The following MTUS2 variants were observed in gnomAD, a reference collection of about 807,000 sequenced individuals.
The protein encoded by MTUS2 is microtubule associated scaffold protein 2.
Under a neutral mutation model 114.1 loss-of-function variants are expected in MTUS2, and 40 were observed. The ratio of observed to expected loss-of-function variants is 0.35; its 90% confidence interval spans 0.27 to 0.46. The LOEUF (loss-of-function observed/expected upper bound fraction) is 0.46. Ranked by LOEUF, MTUS2 falls within the 20% of genes least tolerant of loss-of-function variation. MTUS2 has a pLI of 1.00. For missense variants in MTUS2, 1,679 were observed against 1,705.4 expected (o/e 0.98, Z 0.27); for synonymous variants, 688 against 672.0 (o/e 1.02, Z -0.37).
At chr13:29,316,589 C>T (rs570231272) in intron 6 of MTUS2, among the ~76,000 whole-genome samples, 2 of 152,312 alleles carry the variant, frequency 1.3e-5, no homozygotes, top group South Asian at 2.1e-4. Context: ...CATTGTGCTT[C>T]TATGGGCAGG....
intron 7 of MTUS2, among the ~76,000 whole-genome samples, chr13:29,335,548 A>G (rs1022758936): frequency 2.6e-5 from 4 of 152,108 alleles, no homozygotes; most frequent in Admixed American, 6.5e-5. Context: ...CACTAATAAA[A>G]ACTTGCTGGT....
rs138732293 is a variant in MTUS2 at position 29,241,848 on chromosome 13, T to G, written c.2645-39856T>G. 2.4e-3 allele frequency among the ~76,000 whole-genome samples: 368 copies of G among 152,252 alleles called. 2 individuals carry two copies. Among genetic ancestry groups the G allele is most frequent in the Middle Eastern group, 0.024 (7 of 294 alleles). On this transcript the variant is annotated intron_variant, in intron 5 of 15. Transcript: ENST00000612955. ...GTTCTGGCAGTCTGTCCAATCCACC[T>G]TAGAAAGCCTTGCCCATTTCTGGGT...
At chr13:29,129,629 A>G (rs1225490973) in intron 5 of MTUS2, among the ~76,000 whole-genome samples, 1 of 152,140 alleles carries the variant, frequency 6.6e-6, no homozygotes, top group East Asian at 1.9e-4. Context: ...CATGCATAGA[A>G]TGTGTAATGA....
At chr13:29,116,666 G>A (rs1321888387) in intron 5 of MTUS2, among the ~76,000 whole-genome samples, 1 of 152,146 alleles carries the variant, frequency 6.6e-6, no homozygotes, top group Non-Finnish European at 1.5e-5. Flanking sequence ...CCATTCTTAA[G>A]TAACATAAGG....
At chr13:29,200,964 G>A (rs954835004) in intron 5 of MTUS2, among the ~76,000 whole-genome samples, 1 of 152,148 alleles carries the variant, frequency 6.6e-6, no homozygotes, top group Admixed American at 6.5e-5. Flanking sequence ...GTGATGTGGT[G>A]CAGAGAAGAA....
chr13:29,130,728 T>G (rs1263655922), intron 5 of MTUS2, among the ~76,000 whole-genome samples: 1 of 152,018 alleles, frequency 6.6e-6, no homozygotes, highest in Non-Finnish European at 1.5e-5. Flanking sequence ...TGCGTTCAAG[T>G]GATTCTCCTG....
At chr13:29,294,054 A>G (rs898468357) in intron 6 of MTUS2, among the ~76,000 whole-genome samples, 4 of 152,148 alleles carry the variant, frequency 2.6e-5, no homozygotes, top group African/African-American at 9.6e-5. Context: ...AATTCTTGCT[A>G]TAAAATATAT....
At chr13:29,242,733 G>GAACTTATATCATC in intron 5 of MTUS2, 1 of 152,190 alleles carries the variant, frequency 6.6e-6, no homozygotes, top group African/African-American at 2.4e-5. Flanking sequence ...TATCATCCCT[G>GAACTTATATCATC]CCTTTGAAGA....
intron 5 of MTUS2, among the ~76,000 whole-genome samples, chr13:29,195,820 G>T (rs1894673888): frequency 6.6e-6 from 1 of 152,124 alleles, no homozygotes; most frequent in African/African-American, 2.4e-5. Flanking sequence ...GAGACAAAAA[G>T]AAATTGGTAT....
intron 2 of MTUS2, among the ~76,000 whole-genome samples, chr13:28,935,078 A>C (rs149213201): frequency 3.9e-5 from 5 of 129,272 alleles, no homozygotes; most frequent in African/African-American, 1.5e-4. Flanking sequence ...GATCAGGTGC[A>C]CTTGTGTGTC....
chr13:28,945,807 A>G (rs1441402884), intron 2 of MTUS2, among the ~76,000 whole-genome samples: 1 of 152,184 alleles, frequency 6.6e-6, no homozygotes, highest in Non-Finnish European at 1.5e-5. Context: ...AATTGACTAT[A>G]TAGAAACTTT....
At chr13:28,948,583 T>G (rs1220377407) in intron 2 of MTUS2, among the ~76,000 whole-genome samples, 3 of 152,214 alleles carry the variant, frequency 2.0e-5, no homozygotes, top group African/African-American at 4.8e-5. Context: ...TTTTCCCCCT[T>G]ATTCCAATAT....
At chr13:29,000,877 T>G (rs1885354444) in intron 2 of MTUS2, among the ~76,000 whole-genome samples, 1 of 152,150 alleles carries the variant, frequency 6.6e-6, no homozygotes, top group South Asian at 2.1e-4. Flanking sequence ...TCCTTCTCCT[T>G]CCTTCTACGC....
chr13:29,354,907 G>C (rs750234363), intron 7 of MTUS2, among the ~76,000 whole-genome samples: 2 of 152,232 alleles, frequency 1.3e-5, no homozygotes, highest in African/African-American at 4.8e-5. Context: ...GTGTCCTGCT[G>C]TCTGTCACGA....
chr13:29,390,257 T>C (rs568040096), intron 8 of MTUS2, among the ~76,000 whole-genome samples: 1 of 151,804 alleles, frequency 6.6e-6, no homozygotes, highest in South Asian at 2.1e-4. Context: ...CCAAATTATT[T>C]ATAGGATCAG....
chr13:28,894,488 T>C (rs866152369), intron 2 of MTUS2, among the ~76,000 whole-genome samples: 1 of 152,090 alleles, frequency 6.6e-6, no homozygotes, highest in African/African-American at 2.4e-5. Context: ...ATCTTGGACT[T>C]CCATCCTCAA....
At chr13:29,167,642 C>T (rs1166831905) in intron 5 of MTUS2, among the ~76,000 whole-genome samples, 1 of 151,934 alleles carries the variant, frequency 6.6e-6, no homozygotes, top group Non-Finnish European at 1.5e-5. Context: ...CAGCAAAGGA[C>T]TTCATAAAGT....
In MTUS2 at chr13:28,906,902, C is replaced by T. The variant is rs868558347; in HGVS notation, c.-243+67052C>T. The stretch of plus-strand genomic sequence containing the variant: ...ATTCAGATTCAGGAAATACAGAGAA[C>T]GCCACAAAGATACTCCTCGAGAAGA... On this transcript the variant is annotated intron_variant, in intron 2 of 15. Transcript: ENST00000612955. Among the ~76,000 whole-genome samples the T allele has an allele frequency of 4.1e-4, 62 of 151,336 alleles. 2 individuals carry two copies. Among genetic ancestry groups the T allele is most frequent in the Middle Eastern group, 6.9e-3 (2 of 288 alleles).
intron 9 of MTUS2, among the ~76,000 whole-genome samples, chr13:29,448,329 C>T (rs766585396): frequency 5.3e-5 from 8 of 152,206 alleles, no homozygotes; most frequent in South Asian, 4.1e-4. Context: ...ACACCTGTCA[C>T]GCTCTTTCCT....
Sources: allele counts gnomAD v4.1 joint callset (sites outside exome capture counted in the v4.1 genomes callset), GRCh38; gene constraint gnomAD v4.1.1; transcripts MANE v1.5; gene names NCBI Gene and HGNC (gene_info 2026-07-23, HGNC 2026-07-21).